CSMD1: variants seen among roughly 807,000 people sequenced by gnomAD.
The protein encoded by CSMD1 is CUB and Sushi multiple domains 1.
In CSMD1, 213 loss-of-function variants were observed where a neutral mutation model predicts 417.5. The observed-to-expected ratio is 0.51, with a 90% CI of 0.46 to 0.57. The LOEUF is 0.57. CSMD1 is among the 20% of genes least tolerant of loss of function. CSMD1 has a pLI of 0.00. For synonymous variants in CSMD1, 2,862 were observed against 1,736.8 expected, an observed-to-expected ratio of 1.65 and a Z score of -16.11; for missense variants, 6,923 against 4,529.7, an observed-to-expected ratio of 1.53 and a Z score of -15.17.
chr8:4,965,233 G>C (rs1004765890), intron 1 of CSMD1, among the ~76,000 whole-genome samples: 2 of 152,166 alleles, frequency 1.3e-5, no homozygotes, highest in Non-Finnish European at 2.9e-5. Context: ...ACACATTTCA[G>C]ATTTTAAAAA....
intron 26 of CSMD1, among the ~76,000 whole-genome samples, chr8:3,272,044 T>C (rs1417544603): frequency 1.7e-4 from 26 of 151,556 alleles, no homozygotes; most frequent in Middle Eastern, 3.4e-3. Context: ...GGTTTTCTTC[T>C]AGGGTTTTTA....
rs1002613200 is a variant in CSMD1 at position 4,276,101 on chromosome 8, C to G, written c.415+143852G>C. On this transcript the variant is annotated intron_variant, in intron 3 of 69. Transcript: ENST00000635120. The stretch of plus-strand genomic sequence containing the variant: ...ATCTAGAACTTGAAATACCATTTGA[C>G]CCAGCAATCCCATTAGTGGGTATAT... Among the ~76,000 whole-genome samples, 4 of 152,082 alleles carry G rather than the reference C, an allele frequency of 2.6e-5. No homozygotes were observed. In the South Asian group the frequency reaches 8.3e-4, roughly 32 times the overall value.
intron 1 of CSMD1, among the ~76,000 whole-genome samples, chr8:4,772,161 G>A (rs1156465506): frequency 1.3e-5 from 2 of 152,014 alleles, no homozygotes; most frequent in Admixed American, 6.6e-5. Flanking sequence ...TGGTGGTAGG[G>A]ATGAAGTCCT....
chr8:2,961,270 T>A (rs2128925435), intron 61 of CSMD1, 56 bp from the exon 62 acceptor site: 1 of 1,066,026 alleles, frequency 9.4e-7, no homozygotes, highest in Non-Finnish European at 1.4e-6. Flanking sequence ...ATTGTGAGAA[T>A]TTTAACAGCT....
rs186628637 is a variant in CSMD1, at chr8:4,523,527, A to T, written c.303-103462T>A. Reference sequence around the variant, plus strand: ...CTGTTGCTAGTTTTCCTTCTCTCTCACACACACACACTCACACACATGCAG... The same window carrying T: ...CTGTTGCTAGTTTTCCTTCTCTCTCTCACACACACACTCACACACATGCAG... On this transcript the variant is annotated intron_variant, in intron 2 of 69. Coordinates refer to ENST00000635120, the MANE Select transcript of CSMD1 (RefSeq NM_033225.6). Among the ~76,000 whole-genome samples, 114 of 152,122 alleles carry T rather than the reference A, an allele frequency of 7.5e-4. 1 individual carries two copies. Among genetic ancestry groups the T allele is most frequent in the African/African-American group, 2.2e-3 (91 of 41,530 alleles).
At chr8:3,495,293 G>A (rs1020628291) in intron 10 of CSMD1, among the ~76,000 whole-genome samples, 3 of 152,158 alleles carry the variant, frequency 2.0e-5, no homozygotes, top group Non-Finnish European at 4.4e-5. Flanking sequence ...ACTGAGACCT[G>A]CTGGTTTCCT....
At chr8:3,241,256 AC>A (rs1563176088) in intron 26 of CSMD1, among the ~76,000 whole-genome samples, 3 of 148,488 alleles carry the variant, frequency 2.0e-5, no homozygotes, top group Non-Finnish European at 4.5e-5. Context: ...CTAAGCTGGC[AC>A]CAGAGTTGGG....
intron 11 of CSMD1, among the ~76,000 whole-genome samples, chr8:3,486,106 C>T (rs1393546129): frequency 6.6e-6 from 1 of 152,134 alleles, no homozygotes; most frequent in Admixed American, 6.5e-5. Flanking sequence ...CATTAAATGA[C>T]AGTTCAATCT....
At chr8:3,048,200 A>C (rs1390332379) in intron 50 of CSMD1, among the ~76,000 whole-genome samples, 2 of 152,256 alleles carry the variant, frequency 1.3e-5, no homozygotes, top group Non-Finnish European at 2.9e-5. Flanking sequence ...CAAATAGGTC[A>C]GTATAAATAT....
chr8:4,275,747 G>C (rs1438400371), intron 3 of CSMD1, among the ~76,000 whole-genome samples: 1 of 152,102 alleles, frequency 6.6e-6, no homozygotes, highest in African/African-American at 2.4e-5. Context: ...ACACACACCT[G>C]TGCAAAACAC....
intron 1 of CSMD1, among the ~76,000 whole-genome samples, chr8:4,748,514 T>C (rs1811099406): frequency 6.6e-6 from 1 of 152,222 alleles, no homozygotes; most frequent in Non-Finnish European, 1.5e-5. Context: ...TGTTAGTTTC[T>C]TTGTAACTGT....
In CSMD1 at chr8:4,860,974, C is replaced by G. The variant is rs944744292; in HGVS notation, c.85+133358G>C. Reference sequence around the variant, plus strand: ...TCAGTTTCAAGAATGTAAACCTGTGCTGCCAAAAATTCACGTTCTCACTAC... The same window carrying G: ...TCAGTTTCAAGAATGTAAACCTGTGGTGCCAAAAATTCACGTTCTCACTAC... On this transcript the variant is annotated intron_variant, in intron 1 of 69. Transcript: ENST00000635120. 3.0e-4 allele frequency among the ~76,000 whole-genome samples: 45 copies of G among 152,070 alleles called. 1 individual carries two copies. Among genetic ancestry groups the G allele is most frequent in the African/African-American group, 1.1e-3 (45 of 41,354 alleles).
At chr8:4,629,719 T>G (rs1240958398) in intron 2 of CSMD1, among the ~76,000 whole-genome samples, 2 of 152,216 alleles carry the variant, frequency 1.3e-5, no homozygotes, top group African/African-American at 2.4e-5. Flanking sequence ...CTAACATATT[T>G]ATTTTGCTAC....
At chr8:3,569,717 G>C (rs1210181393) in intron 10 of CSMD1, among the ~76,000 whole-genome samples, 2 of 152,152 alleles carry the variant, frequency 1.3e-5, no homozygotes, top group Non-Finnish European at 2.9e-5. Context: ...TACTTGGAAT[G>C]TCTCCCAAGG....
intron 10 of CSMD1, among the ~76,000 whole-genome samples, chr8:3,539,348 G>T (rs889783561): frequency 9.2e-5 from 14 of 152,034 alleles, no homozygotes; most frequent in Non-Finnish European, 1.8e-4. Flanking sequence ...TCCTGGTTTT[G>T]CCTTCTGGGC....
At chr8:2,974,422 T>C (rs771278457) in intron 56 of CSMD1, 29 bp downstream of exon 56, 8 of 1,496,592 alleles carry the variant, frequency 5.3e-6, no homozygotes, top group East Asian at 4.7e-5. Context: ...AAATCTGTAA[T>C]TCTGTCAGTT....
intron 2 of CSMD1, among the ~76,000 whole-genome samples, chr8:4,505,421 T>G (rs1482836628): frequency 2.0e-5 from 3 of 152,178 alleles, no homozygotes; most frequent in Non-Finnish European, 4.4e-5. Context: ...CAATAAAACT[T>G]TGAAACAAAA....
intron 1 of CSMD1, among the ~76,000 whole-genome samples, chr8:4,680,028 C>G (rs942098363): frequency 2.6e-5 from 4 of 152,122 alleles, no homozygotes; most frequent in East Asian, 1.9e-4. Context: ...GTACTTTAAT[C>G]TTAGCAATGT....
chr8:4,936,658 G>C (rs191188609), intron 1 of CSMD1, among the ~76,000 whole-genome samples: 6 of 152,074 alleles, frequency 3.9e-5, no homozygotes, highest in Non-Finnish European at 8.8e-5. Flanking sequence ...AGCTAGTTAT[G>C]GACATTATTA....
Sources: gnomAD v4.1 joint callset for allele counts (sites outside exome capture counted in the v4.1 genomes callset) on GRCh38, gnomAD v4.1.1 for gene constraint, MANE v1.5 for transcripts, NCBI Gene and HGNC (gene_info 2026-07-23, HGNC 2026-07-21) for gene names.